Variants in THSD7A observed in about 807,000 individuals in gnomAD.
THSD7A encodes the protein thrombospondin type-1 domain-containing protein 7A.
A neutral mutation model predicts 231.3 loss-of-function variants in THSD7A; 96 were observed. The ratio of observed to expected loss-of-function variants is 0.41; its 90% CI spans 0.35 to 0.49. The LOEUF is 0.49. Among genes scored for constraint, THSD7A ranks in the 20% least tolerant of loss-of-function variants. THSD7A has a pLI of 0.05. For synonymous variants in THSD7A, 940 were observed against 743.3 expected (o/e 1.26, Z -4.30); for missense variants, 2,290 against 2,070.2 (o/e 1.11, Z -2.06).
intron 1 of THSD7A, among the ~76,000 whole-genome samples, chr7:11,713,382 A>C (rs528712669): frequency 3.3e-5 from 5 of 151,400 alleles, no homozygotes; most frequent in African/African-American, 1.2e-4. Context: ...ATGTTACATT[A>C]GTAACTATCA....
At chr7:11,471,064 G>C (rs1395692501) in intron 8 of THSD7A, among the ~76,000 whole-genome samples, 4 of 151,850 alleles carry the variant, frequency 2.6e-5, no homozygotes, top group African/African-American at 4.8e-5. Context: ...TGCTACTATT[G>C]CTAGAGGTCA....
chr7:11,418,801 CCAAA>C (rs1434388530), intron 16 of THSD7A, among the ~76,000 whole-genome samples: 1 of 151,882 alleles, frequency 6.6e-6, no homozygotes, highest in African/African-American at 2.4e-5. Flanking sequence ...AAAAAAATAC[CCAAA>C]CAAATACCTA....
At chr7:11,402,063 G>T in intron 22 of THSD7A, 95 bp from the exon 23 acceptor site, 1 of 968,794 alleles carries the variant, frequency 1.0e-6, no homozygotes, top group Non-Finnish European at 1.5e-6. Flanking sequence ...CAATGTTTCT[G>T]GTATCCCAGG....
At chr7:11,616,521 C>T (rs1781106621) in intron 2 of THSD7A, among the ~76,000 whole-genome samples, 3 of 151,922 alleles carry the variant, frequency 2.0e-5, no homozygotes, top group Non-Finnish European at 4.4e-5. Context: ...TTTACACAGT[C>T]CAAGAATAAT....
intron 1 of THSD7A, among the ~76,000 whole-genome samples, chr7:11,757,414 T>G (rs1206622294): frequency 2.0e-5 from 3 of 152,030 alleles, no homozygotes; most frequent in Non-Finnish European, 4.4e-5. Flanking sequence ...AATACCTTTG[T>G]ATACTTTCAC....
At chr7:11,626,392 T>C (rs766498088) in intron 2 of THSD7A, among the ~76,000 whole-genome samples, 1 of 152,154 alleles carries the variant, frequency 6.6e-6, no homozygotes, top group Non-Finnish European at 1.5e-5. Flanking sequence ...TTGAGTTGTA[T>C]GCCTTTAATA....
chr7:11,786,759 T>TAAAAAAAA (rs58923353), intron 1 of THSD7A, among the ~76,000 whole-genome samples: 15 of 108,500 alleles, frequency 1.4e-4, no homozygotes, highest in Admixed American at 2.7e-4. Flanking sequence ...AGTATAATAA[T>TAAAAAAAA]AAAAAAAAAA....
chr7:11,692,538 T>C (rs1780265285), intron 1 of THSD7A, among the ~76,000 whole-genome samples: 1 of 151,510 alleles, frequency 6.6e-6, no homozygotes. Flanking sequence ...ACACAACAAA[T>C]TGTACACAAC....
At chr7:11,786,759 T>TAAAAAAAAAAAAAA (rs58923353) in intron 1 of THSD7A, among the ~76,000 whole-genome samples, 4 of 108,648 alleles carry the variant, frequency 3.7e-5, no homozygotes, top group Non-Finnish European at 7.9e-5. Context: ...AGTATAATAA[T>TAAAAAAAAAAAAAA]AAAAAAAAAA....
intron 4 of THSD7A, among the ~76,000 whole-genome samples, chr7:11,574,359 T>C (rs1166446496): frequency 6.6e-6 from 1 of 151,948 alleles, no homozygotes; most frequent in African/African-American, 2.4e-5. Context: ...GCCTAAGACA[T>C]AGAAGACACT....
intron 23 of THSD7A, chr7:11,385,131 CTATT>C (rs1424229256): frequency 1.3e-5 from 2 of 149,342 alleles, no homozygotes; most frequent in Admixed American, 6.7e-5. Flanking sequence ...AAAAAAAAGA[CTATT>C]TATTTTGTGT....
chr7:11,706,917 G>T (rs1277290637), intron 1 of THSD7A, among the ~76,000 whole-genome samples: 1 of 150,282 alleles, frequency 6.7e-6, no homozygotes. Flanking sequence ...CTGATTCAGG[G>T]TTTTTCAGCT....
intron 1 of THSD7A, among the ~76,000 whole-genome samples, chr7:11,760,830 T>A (rs962179550): frequency 6.6e-6 from 1 of 151,678 alleles, no homozygotes; most frequent in Non-Finnish European, 1.5e-5. Context: ...AAAAATAAAA[T>A]CTTAAAATTT....
At chr7:11,388,309 G>A (rs575907868) in intron 23 of THSD7A, among the ~76,000 whole-genome samples, 1 of 152,258 alleles carries the variant, frequency 6.6e-6, no homozygotes, top group African/African-American at 2.4e-5. Flanking sequence ...ATTTGACTGT[G>A]AATCCATCTG....
At chr7:11,712,267 A>G (rs886715194) in intron 1 of THSD7A, among the ~76,000 whole-genome samples, 1 of 151,008 alleles carries the variant, frequency 6.6e-6, no homozygotes, top group Non-Finnish European at 1.5e-5. Flanking sequence ...ATCCTGTGTA[A>G]TAAACACTCA....
intron 1 of THSD7A, among the ~76,000 whole-genome samples, chr7:11,670,469 A>G (rs1326224359): frequency 2.6e-5 from 4 of 152,244 alleles, no homozygotes; most frequent in Non-Finnish European, 4.4e-5. Flanking sequence ...TTTGTATTCA[A>G]GAGTTTGCCT....
chr7:11,555,091 T>C (rs1225378699), intron 4 of THSD7A, among the ~76,000 whole-genome samples: 1 of 151,940 alleles, frequency 6.6e-6, no homozygotes, highest in African/African-American at 2.4e-5. Context: ...TCAATTTCAT[T>C]GATTTCTGTT....
chr7:11,645,865 C>G (rs999246027), intron 1 of THSD7A, among the ~76,000 whole-genome samples: 2 of 151,862 alleles, frequency 1.3e-5, no homozygotes, highest in Admixed American at 1.3e-4. Context: ...AAATATAAAG[C>G]CATCAACCAC....
chr7:11,747,643 C>T (rs187214442), intron 1 of THSD7A, among the ~76,000 whole-genome samples: 1 of 152,014 alleles, frequency 6.6e-6, no homozygotes, highest in Admixed American at 6.6e-5. Context: ...AAATGACTAT[C>T]TAGCATGGAT....
Sources: gnomAD v4.1 joint callset for allele counts (sites outside exome capture counted in the v4.1 genomes callset) on GRCh38, gnomAD v4.1.1 for gene constraint, MANE v1.5 for transcripts, NCBI Gene and HGNC (gene_info 2026-07-23, HGNC 2026-07-21) for gene names.